CDC14A: variants seen among roughly 807,000 people sequenced by gnomAD.
CDC14A encodes cell division cycle 14A, also known as dual specificity protein phosphatase CDC14A.
A neutral mutation model predicts 74.4 loss-of-function variants in CDC14A; 53 were observed. The observed-to-expected ratio is 0.71, with a 90% CI of 0.57 to 0.89. The LOEUF (loss-of-function observed/expected upper bound fraction) is 0.89. Ranked by LOEUF, CDC14A falls within the 40% of genes least tolerant of loss-of-function variation. The pLI is 0.00. For synonymous variants in CDC14A, 247 were observed against 258.4 expected (o/e 0.96, Z 0.43); for missense variants, 646 against 713.7 (o/e 0.91, Z 1.08).
chr1:100,392,904 A>G (rs1182390810), intron 4 of CDC14A: 1 of 610,260 alleles, frequency 1.6e-6, no homozygotes, highest in Non-Finnish European at 2.8e-6. Flanking sequence ...GCAGCAGCCC[A>G]CACATTCTAT....
chr1:100,430,558 C>T (rs1663534170), intron 5 of CDC14A, among the ~76,000 whole-genome samples: 1 of 152,166 alleles, frequency 6.6e-6, no homozygotes, highest in Admixed American at 6.5e-5. Context: ...GGGTCAACCA[C>T]TGTAGGTCTT....
intron 7 of CDC14A, among the ~76,000 whole-genome samples, chr1:100,443,276 A>G (rs1665170367): frequency 6.6e-6 from 1 of 152,100 alleles, no homozygotes; most frequent in Non-Finnish European, 1.5e-5. Flanking sequence ...GGGTAGTAAA[A>G]TTATGTTACT....
At chr1:100,451,303 C>T (rs1666120635) in intron 7 of CDC14A, among the ~76,000 whole-genome samples, 1 of 152,194 alleles carries the variant, frequency 6.6e-6, no homozygotes, top group African/African-American at 2.4e-5. Flanking sequence ...TGGGCCTCCA[C>T]ATGTTTTCCA....
intron 15 of CDC14A, among the ~76,000 whole-genome samples, chr1:100,500,170 T>C (rs1175720029): frequency 1.3e-5 from 2 of 152,220 alleles, no homozygotes; most frequent in Non-Finnish European, 2.9e-5. Context: ...ATCAATCCTA[T>C]GTATTAAGGA....
intron 7 of CDC14A, among the ~76,000 whole-genome samples, chr1:100,453,038 T>A (rs1666303734): frequency 6.6e-6 from 1 of 152,182 alleles, no homozygotes; most frequent in Non-Finnish European, 1.5e-5. Context: ...TTAAAAGCTG[T>A]AACTTCCTTA....
chr1:100,430,439 C>T (rs975355338), intron 5 of CDC14A, among the ~76,000 whole-genome samples: 5 of 152,114 alleles, frequency 3.3e-5, no homozygotes, highest in Non-Finnish European at 5.9e-5. Flanking sequence ...TTAGTGATAT[C>T]CCAGTTGCTG....
At chr1:100,466,704 C>T (rs1386775176) in intron 9 of CDC14A, among the ~76,000 whole-genome samples, 2 of 152,018 alleles carry the variant, frequency 1.3e-5, no homozygotes, top group East Asian at 3.9e-4. Context: ...AACCCTGTCT[C>T]TACTAAAAAT....
chr1:100,364,235 G>T (rs1422160044), intron 2 of CDC14A, among the ~76,000 whole-genome samples: 6 of 150,982 alleles, frequency 4.0e-5, no homozygotes, highest in Admixed American at 1.3e-4. Flanking sequence ...TTGAGATGGA[G>T]TCTCGCTCTG....
intron 2 of CDC14A, among the ~76,000 whole-genome samples, chr1:100,375,374 GTAAGAAACCATTAA>G (rs1655091838): frequency 1.3e-5 from 2 of 152,220 alleles, no homozygotes; most frequent in Non-Finnish European, 2.9e-5. Context: ...TCTAAAGGCA[GTAAGAAACCATTAA>G]ACATTTTTGA....
At chr1:100,407,358 G>A (rs1333706162) in intron 4 of CDC14A, among the ~76,000 whole-genome samples, 1 of 152,088 alleles carries the variant, frequency 6.6e-6, no homozygotes, top group African/African-American at 2.4e-5. Context: ...CTGTTTGTTT[G>A]TATCCTCTTT....
intron 15 of CDC14A, among the ~76,000 whole-genome samples, chr1:100,516,694 C>T (rs972676975): frequency 1.8e-4 from 27 of 152,010 alleles, no homozygotes; most frequent in African/African-American, 4.8e-4. Flanking sequence ...GCTCTAATTG[C>T]GAGTGTGGTA....
upstream of CDC14A, among the ~76,000 whole-genome samples, chr1:100,351,064 C>A (rs751652306): frequency 9.2e-5 from 14 of 152,090 alleles, no homozygotes; most frequent in Non-Finnish European, 2.1e-4. Flanking sequence ...TGTGGTGGCG[C>A]ACGCCTGTAG....
In CDC14A at chr1:100,494,885, T is replaced by C. The variant is rs750924312; in HGVS notation, c.1205T>C (p.Leu402Ser). 1 of 1,613,432 alleles carries C rather than the reference T, an allele frequency of 6.2e-7. No homozygotes were observed. Among genetic ancestry groups the C allele is most frequent in the South Asian group, 1.1e-5 (1 of 91,050 alleles). ...GITQGDKLRA[L>S]KSQRQPRTSP... is the part of the protein sequence containing the mutation. ...ACCCAGGGAGACAAACTACGTGCCTTAAAAAGTCAGAGACAGCCACGTACC... is the reference window on the plus strand; with the variant it reads ...ACCCAGGGAGACAAACTACGTGCCTCAAAAAGTCAGAGACAGCCACGTACC... The change falls in exon 12 of 16, where the codon TTA becomes TCA. Residue 402 changes from leucine (L) to serine (S), a missense_variant. Coordinates refer to ENST00000336454, the MANE Select transcript of CDC14A (RefSeq NM_003672.4).
intron 5 of CDC14A, among the ~76,000 whole-genome samples, chr1:100,434,172 A>G (rs1664045224): frequency 6.6e-6 from 1 of 152,196 alleles, no homozygotes; most frequent in Admixed American, 6.5e-5. Context: ...TTTTATAACC[A>G]CTGTATAATA....
chr1:100,347,588 T>G (rs975029105), upstream of CDC14A, among the ~76,000 whole-genome samples: 1 of 152,256 alleles, frequency 6.6e-6, no homozygotes, highest in Admixed American at 6.5e-5. Context: ...CTATCTATTT[T>G]TGGTATTCTG....
At chr1:100,504,785 G>A (rs1431022465) in intron 15 of CDC14A, 1 of 1,505,062 alleles carries the variant, frequency 6.6e-7, no homozygotes, top group Non-Finnish European at 8.9e-7. Context: ...CATTTACCTT[G>A]CTTATTCTCT....
intron 5 of CDC14A, among the ~76,000 whole-genome samples, chr1:100,425,634 C>G (rs543628858): frequency 5.9e-5 from 9 of 151,888 alleles, no homozygotes; most frequent in African/African-American, 2.2e-4. Flanking sequence ...GGATTTGGAC[C>G]CTGAGGGGAA....
Position 100,353,846 on chromosome 1 carries a change from A to G in CDC14A, c.134A>G (p.Tyr45Cys), listed in dbSNP as rs1470833654. The change falls in exon 2 of 16, where the codon TAT becomes TGT. Residue 45 changes from tyrosine to cysteine, a missense_variant. By Grantham distance (194) the Tyr-to-Cys change is radical (BLOSUM62 -2). Transcript: ENST00000336454. ...HYFSIDEELV[Y>C]ENFYADFGPL... Reference sequence around the variant, plus strand: ...TTCTCCATCGATGAGGAGCTGGTCTATGAAAAGTAAGTTTATGTTTTGTTT... The same window carrying G: ...TTCTCCATCGATGAGGAGCTGGTCTGTGAAAAGTAAGTTTATGTTTTGTTT... 6.3e-7 allele frequency: 1 copy of G among 1,592,106 alleles called. No individual in the cohort carries two copies. The highest frequency in any genetic ancestry group is 1.3e-5 in the African/African-American group (1 of 74,544).
rs368708650 is a variant in CDC14A at position 100,498,156 on chromosome 1, C to T, written c.1370C>T (p.Thr457Met). 1.7e-5 allele frequency: 27 copies of T among 1,613,894 alleles called. No homozygotes were observed. The highest frequency in any genetic ancestry group is 5.3e-5 in the African/African-American group (4 of 74,912). ...TSKMALSPSA[T>M]AKRINRTSLS... Reference sequence around the variant, plus strand: ...AAAATGGCACTGTCCCCTTCAGCAACGGCCAAGAGGATCAACAGAACTTCT... The same window carrying T: ...AAAATGGCACTGTCCCCTTCAGCAATGGCCAAGAGGATCAACAGAACTTCT... The change falls in exon 14 of 16, where the codon ACG becomes ATG. Residue 457 changes from threonine (T) to methionine (M), a missense_variant. Coordinates refer to ENST00000336454, the MANE Select transcript of CDC14A (RefSeq NM_003672.4).
Sources: gnomAD v4.1 joint callset for allele counts (sites outside exome capture counted in the v4.1 genomes callset) on GRCh38, gnomAD v4.1.1 for gene constraint, MANE v1.5 for transcripts, NCBI Gene and HGNC (gene_info 2026-07-23, HGNC 2026-07-21) for gene names.